The following PER1 variants were observed in gnomAD, a reference collection of about 807,000 sequenced individuals.
PER1 encodes the protein period circadian protein homolog 1.
A neutral mutation model predicts 125.9 loss-of-function variants in PER1; 87 were observed. The observed-to-expected ratio is 0.69, with a 90% CI of 0.58 to 0.83. PER1 has a LOEUF of 0.83. Among genes scored for constraint, PER1 ranks in the 40% least tolerant of loss-of-function variants. The pLI, the probability that PER1 is intolerant of heterozygous loss-of-function variation, is 0.00. For missense variants in PER1, 1,775 were observed against 1,722.8 expected, an observed-to-expected ratio of 1.03 and a Z score of -0.54; for synonymous variants, 801 against 714.7, an observed-to-expected ratio of 1.12 and a Z score of -1.93.
Position 8,146,719 on chromosome 17 carries a change from G to A in PER1, c.1782C>T (p.Asp594=), listed in dbSNP as rs373681915. The A allele has an allele frequency of 3.1e-6, 5 of 1,613,806 alleles. No individual in the cohort carries two copies. The highest frequency in any genetic ancestry group is 4.2e-6 in the Non-Finnish European group (5 of 1,179,996). The change falls in exon 15 of 23, where the codon GAC becomes GAT. Residue 594 remains aspartate, a synonymous_variant. Transcript: ENST00000317276. ...GAGCAGAACCCGCCTCCAGCTCTGG[G>A]TCTGGGGATTGGCAGGGAAGGGCCT... is the stretch of plus-strand genomic sequence containing the variant. ...KAKALPCQSP[D]PELEAGSAPV...
chr17:8,144,539 A>T, intron 18 of PER1: 1 of 577,002 alleles, frequency 1.7e-6, no homozygotes, highest in African/African-American at 1.9e-5. Flanking sequence ...TCCCAGTGCC[A>T]TCCCCCCAGG....
chr17:8,150,724 A>G lies in PER1; in HGVS notation c.-18T>C. 1 of 1,522,504 alleles carries G rather than the reference A, an allele frequency of 6.6e-7. No individual in the cohort carries two copies. The highest frequency in any genetic ancestry group is 8.7e-7 in the Non-Finnish European group (1 of 1,144,054). The allele number at this position is 1,522,504 out of a possible 1,614,324, so 94.3% of individuals were successfully genotyped here. A position where few individuals can be genotyped will look rare whatever the true frequency, so the allele number is the denominator to read the frequency against. On this transcript the variant is annotated 5_prime_UTR_variant, in exon 2 of 23. Transcript: ENST00000317276. The stretch of plus-strand genomic sequence containing the variant: ...CCACTCATGTCTGGGCCATGGGGAG[A>G]ACAGAACAGAGAAGGCAGAGAGGCC...
chr17:8,144,460 T>A (rs1418194766), intron 18 of PER1: 3 of 483,428 alleles, frequency 6.2e-6, no homozygotes, highest in Non-Finnish European at 1.1e-5. Flanking sequence ...TAAGTGGGCA[T>A]ACTTCCTGCC....
intron 17 of PER1, 56 bp downstream of exon 17, chr17:8,145,902 C>T: frequency 1.3e-6 from 2 of 1,529,222 alleles, no homozygotes; most frequent in South Asian, 2.6e-5. Context: ...CAGGAGGGAG[C>T]TCTAGCTGGG....
At chr17:8,151,719 G>A (rs1489587445) in intron 1 of PER1, among the ~76,000 whole-genome samples, 1 of 152,122 alleles carries the variant, frequency 6.6e-6, no homozygotes, top group Non-Finnish European at 1.5e-5. Flanking sequence ...AAGGACCCGA[G>A]GATCCTCTCT....
chr17:8,143,636 G>A lies in PER1; in HGVS notation c.2702C>T (p.Ala901Val). Residue 901 changes from alanine (A) to valine (V), a missense_variant, in exon 19 of 23, where the codon GCT (alanine) becomes GTT (valine). Coordinates refer to ENST00000317276, the MANE Select transcript of PER1 (RefSeq NM_002616.3). Reference sequence around the variant, plus strand: ...AGCAGCTGGGGGCACAGATGTGGGAGCAGGGGGAAGAGGCTGGGGGCCTCC... The same window carrying A: ...AGCAGCTGGGGGCACAGATGTGGGAACAGGGGGAAGAGGCTGGGGGCCTCC... ...PRGGPQPLPP[A>V]PTSVPPAAFP... 14 of 1,449,144 alleles carry A rather than the reference G, an allele frequency of 9.7e-6. No individual in the cohort carries two copies. Among genetic ancestry groups the A allele is most frequent in the Non-Finnish European group, 1.3e-5 (14 of 1,092,508 alleles). 89.8% of individuals were successfully genotyped at this position (1,449,144 alleles called of 1,614,324 possible).
In PER1 at chr17:8,142,445, G is replaced by T; in HGVS notation, c.3273C>A (p.Ser1091Arg). 6.3e-7 allele frequency: 1 copy of T among 1,580,592 alleles called. No homozygotes were observed. Among genetic ancestry groups the T allele is most frequent in the Non-Finnish European group, 8.6e-7 (1 of 1,162,026 alleles). Residue 1091 changes from serine to arginine, a missense_variant, in exon 21 of 23, where the codon AGC (serine) becomes AGA (arginine). Physicochemically the swap from Ser to Arg is moderately radical, Grantham distance 110. Coordinates refer to ENST00000317276, the MANE Select transcript of PER1 (RefSeq NM_002616.3). ...TGCCAAAGTATTTGCTTGTGTGGCT[G>T]CTCTGGCTGCTGCCTGTGAAGTGGG... ...TSASITRSSQ[S>R]SHTSKYFGSI...
At position 8,140,822 on chromosome 17, in the gene PER1, G is replaced by A. The variant is rs1225296899; in HGVS notation, c.*246C>T. 4.2e-6 allele frequency: 2 copies of A among 477,962 alleles called. No homozygotes were observed. Among genetic ancestry groups the A allele is most frequent in the Admixed American group, 3.3e-5 (1 of 30,170 alleles). The allele number at this position is 477,962 out of a possible 1,614,324, so 29.6% of individuals were successfully genotyped here. On this transcript the variant is annotated 3_prime_UTR_variant, in exon 23 of 23. Transcript: ENST00000317276. ...CAGCAACTTTGTCCAGGGGAGGGAA[G>A]GATTCCTCTCCAAAGGTGGGAGGTG...
At chr17:8,149,006 T>G in intron 7 of PER1, 2 of 618,436 alleles carry the variant, frequency 3.2e-6, no homozygotes, top group Non-Finnish European at 2.8e-6. Context: ...CTGGCCAACA[T>G]GGTGAAACCC....
intron 1 of PER1, among the ~76,000 whole-genome samples, 155 bp from the exon 2 acceptor site, chr17:8,151,000 C>T (rs746537518): frequency 7.2e-5 from 11 of 152,176 alleles, no homozygotes; most frequent in Non-Finnish European, 1.5e-4. Context: ...GTCAGGATGT[C>T]TCCTGTACCC....
chr17:8,151,992 G>A (rs1286044676), intron 1 of PER1, among the ~76,000 whole-genome samples: 2 of 152,232 alleles, frequency 1.3e-5, no homozygotes, highest in African/African-American at 4.8e-5. Context: ...GACACGGGGA[G>A]CGCTGAAAGC....
chr17:8,149,614 AT>A lies in PER1; in HGVS notation c.700del (p.Ile234PhefsTer85). On this transcript the variant is annotated frameshift_variant, in exon 6 of 23. Coordinates refer to ENST00000317276, the MANE Select transcript of PER1 (RefSeq NM_002616.3). LOFTEE classifies it high-confidence loss of function. ...CAGCAGGACGGCTGCCTGCTCCGAA[AT>A]GTAGACGATTCGGCCCGTCAGGAAG... ...VSFLTGRIVYISEQAAVLLRC... is the reference protein window; with the variant it reads ...VSFLTGRIVYXSEQAAVLLRC... The A allele has an allele frequency of 6.2e-7, 1 of 1,612,246 alleles. No individual in the cohort carries two copies. Among genetic ancestry groups the A allele is most frequent in the Non-Finnish European group, 8.5e-7 (1 of 1,178,382 alleles).
In PER1 at chr17:8,149,673, G is replaced by C. The variant is rs370338628; in HGVS notation, c.652-10C>G. 6 of 1,609,614 alleles carry C rather than the reference G, an allele frequency of 3.7e-6. No individual in the cohort carries two copies. The highest frequency in any genetic ancestry group is 1.1e-5 in the South Asian group (1 of 91,008). Reference sequence around the variant, plus strand: ...CCACTGAGAAGGTATCCTGGCAGGAGGGGGAGAGCAAGAGCAGATTCAAGA... The same window carrying C: ...CCACTGAGAAGGTATCCTGGCAGGACGGGGAGAGCAAGAGCAGATTCAAGA... On this transcript the variant is annotated splice_polypyrimidine_tract_variant and intron_variant, in intron 5 of 22. Coordinates refer to ENST00000317276, the MANE Select transcript of PER1 (RefSeq NM_002616.3).
chr17:8,144,193 A>G (rs891837905), intron 18 of PER1: 16 of 421,808 alleles, frequency 3.8e-5, no homozygotes, highest in African/African-American at 3.1e-4. Flanking sequence ...ACATGGACAG[A>G]TGGCTCTGGT....
In PER1 at chr17:8,143,499, G is replaced by T. The variant is rs1215287872; in HGVS notation, c.2839C>A (p.Pro947Thr). The change falls in exon 19 of 23, where the codon CCC becomes ACC. Residue 947 changes from proline (P) to threonine (T), a missense_variant. By Grantham distance (38) the Pro-to-Thr change is conservative. Coordinates refer to ENST00000317276, the MANE Select transcript of PER1 (RefSeq NM_002616.3). ...GALQTPAEGP[P>T]TPASHSPSPS... ...GAAGGGGAGTGCGAGGCAGGAGTGG[G>T]AGGCCCTTCAGCAGGGGTCTGGAGT... is the stretch of plus-strand genomic sequence containing the variant. 2 of 1,579,694 alleles carry T rather than the reference G, an allele frequency of 1.3e-6. No individual in the cohort carries two copies. Among genetic ancestry groups the T allele is most frequent in the Non-Finnish European group, 1.7e-6 (2 of 1,160,966 alleles).
chr17:8,146,383 C>T lies in PER1; in HGVS notation c.2027G>A (p.Gly676Glu). 2 of 1,605,752 alleles carry T rather than the reference C, an allele frequency of 1.2e-6. No individual in the cohort carries two copies. The highest frequency in any genetic ancestry group is 8.5e-7 in the Non-Finnish European group (1 of 1,175,878). The change falls in exon 16 of 23, where the codon GGG becomes GAG. Residue 676 changes from glycine to glutamate, a missense_variant. Physicochemically the swap from Gly to Glu is moderately conservative, Grantham distance 98 (BLOSUM62 -2). Transcript: ENST00000317276. ...DRQRTGPVSV[G>E]TKKDPPSAAL... is the part of the protein sequence containing the mutation. ...CATTGGATCTTTACCTTTCTTGGTC[C>T]CCACAGAGACTGGACCTGTCCTCTG...
At chr17:8,141,511 C>T (rs1253145579) in intron 22 of PER1, among the ~76,000 whole-genome samples, 171 bp from the exon 23 acceptor site, 1 of 152,220 alleles carries the variant, frequency 6.6e-6, no homozygotes. Context: ...CTTGTGCCCT[C>T]TACCCAGATG....
At position 8,145,997 on chromosome 17, in the gene PER1, T is replaced by C; in HGVS notation, c.2179A>G (p.Thr727Ala). 1 of 1,613,112 alleles carries C rather than the reference T, an allele frequency of 6.2e-7. No homozygotes were observed. Among genetic ancestry groups the C allele is most frequent in the Non-Finnish European group, 8.5e-7 (1 of 1,179,434 alleles). ...SVTSQCSFSS[T>A]IVHVGDKKPP... ...TTCTTGTCTCCCACATGGACGATGG[T>C]GGAGCTGAAGCTACACTGACTGGTG... The change falls in exon 17 of 23, where the codon ACC becomes GCC. Residue 727 changes from threonine (T) to alanine (A), a missense_variant. Physicochemically the swap from Thr to Ala is moderately conservative, Grantham distance 58. Transcript: ENST00000317276.
At chr17:8,144,313 T>C in intron 18 of PER1, 1 of 414,646 alleles carries the variant, frequency 2.4e-6, no homozygotes, top group South Asian at 7.4e-5. Context: ...AGCCCAGTCC[T>C]GAGTCCTGCG....
Sources: gnomAD v4.1 joint callset for allele counts (sites outside exome capture counted in the v4.1 genomes callset) on GRCh38, gnomAD v4.1.1 for gene constraint, MANE v1.5 for transcripts, NCBI Gene and HGNC (gene_info 2026-07-23, HGNC 2026-07-21) for gene names.